CPLX1: variants seen among roughly 807,000 people sequenced by gnomAD.
CPLX1 encodes the protein complexin-1.
CPLX1 carries 6 observed loss-of-function variants against 15.6 expected under a neutral mutation model. The ratio of observed to expected loss-of-function variants is 0.39; its 90% confidence interval spans 0.21 to 0.76. The LOEUF (loss-of-function observed/expected upper bound fraction) is 0.76. Ranked by LOEUF, CPLX1 falls within the 30% of genes least tolerant of loss-of-function variation. The probability of loss-of-function intolerance (pLI) is 0.43; values close to 1 mark genes in which losing one functional copy is unlikely to be tolerated. For missense variants in CPLX1, 242 were observed against 188.6 expected, an observed-to-expected ratio of 1.28 and a Z score of -1.66; for synonymous variants, 91 against 75.2, an observed-to-expected ratio of 1.21 and a Z score of -1.08.
intron 2 of CPLX1, among the ~76,000 whole-genome samples, chr4:793,867 G>A (rs1012439516): frequency 3.3e-5 from 5 of 152,238 alleles, no homozygotes; most frequent in Admixed American, 1.3e-4. Context: ...CTGAGCCCAT[G>A]CCTCGGGTAG....
At chr4:787,898 A>G in intron 3 of CPLX1, 1 of 985,338 alleles carries the variant, frequency 1.0e-6, no homozygotes, top group Non-Finnish European at 1.2e-6. Context: ...CTGGCCTGGA[A>G]GGATTGGGGG....
At chr4:795,561 C>A (rs1397511701) in intron 2 of CPLX1, among the ~76,000 whole-genome samples, 1 of 152,174 alleles carries the variant, frequency 6.6e-6, no homozygotes, top group African/African-American at 2.4e-5. Context: ...TGGCTGGGGT[C>A]CGCTACTGGC....
In CPLX1 at chr4:804,828, A is replaced by T. The variant is rs906917460; in HGVS notation, c.32-12220T>A. The T allele has an allele frequency of 5.4e-5, 53 of 985,262 alleles. No individual in the cohort carries two copies. In the African/African-American group the frequency reaches 7.1e-4, roughly 13 times the overall value. The allele number at this position is 985,262 out of a possible 1,614,324, so 61.0% of individuals were successfully genotyped here. On this transcript the variant is annotated intron_variant, in intron 2 of 3. Coordinates refer to ENST00000304062, the MANE Select transcript of CPLX1 (RefSeq NM_006651.4). ...GCGGTCGTCAGCCTGGAGGCCGGCA[A>T]GCGTGGGGAGCGACGTGCTCAGCCT... is the stretch of plus-strand genomic sequence containing the variant.
chr4:793,367 C>T (rs1331945976), intron 2 of CPLX1, among the ~76,000 whole-genome samples: 1 of 152,132 alleles, frequency 6.6e-6, no homozygotes, highest in Non-Finnish European at 1.5e-5. Context: ...TTACTGGCAC[C>T]CAGGCCCTAA....
At chr4:791,283 G>C (rs1353412948) in intron 3 of CPLX1, among the ~76,000 whole-genome samples, 2 of 151,656 alleles carry the variant, frequency 1.3e-5, no homozygotes, top group Non-Finnish European at 2.9e-5. Flanking sequence ...CCCTGGGTGG[G>C]ATGCCAGGGC....
chr4:816,776 C>G (rs1029347000), intron 2 of CPLX1, among the ~76,000 whole-genome samples: 11 of 152,046 alleles, frequency 7.2e-5, no homozygotes, highest in Admixed American at 4.6e-4. Context: ...GAGCTGTGAT[C>G]GCTCCACTGC....
intron 2 of CPLX1, among the ~76,000 whole-genome samples, chr4:794,159 C>G (rs73207751): frequency 6.6e-6 from 1 of 152,208 alleles, no homozygotes; most frequent in Admixed American, 6.5e-5. Flanking sequence ...TTGGAAGGCC[C>G]GAGCTGTTGG....
rs397881229 is a variant in CPLX1 at position 813,264 on chromosome 4, CAAAAAAA to C, written c.31+11221_31+11227del. 2.3e-3 allele frequency among the ~76,000 whole-genome samples: 214 copies of C among 93,106 alleles called. 2 individuals carry two copies. The highest frequency in any genetic ancestry group is 7.8e-3 in the African/African-American group (200 of 25,776). 61.1% of individuals were successfully genotyped at this position (93,106 alleles called of 152,430 possible). A position where few individuals can be genotyped will look rare whatever the true frequency, so the allele number is the denominator to read the frequency against. ...TGGGTGGCTGAGCTAGACTCTGTCT[CAAAAAAA>C]AAAAAAAAAAAAGAGAAAGTGAATA... On this transcript the variant is annotated intron_variant, in intron 2 of 3. Transcript: ENST00000304062.
At chr4:795,127 C>T (rs181579010) in intron 2 of CPLX1, among the ~76,000 whole-genome samples, 3 of 150,888 alleles carry the variant, frequency 2.0e-5, no homozygotes, top group South Asian at 2.1e-4. Flanking sequence ...GCCGCCCACG[C>T]CCCCCCGCTT....
intron 2 of CPLX1, among the ~76,000 whole-genome samples, chr4:802,674 G>A (rs1213811919): frequency 1.3e-5 from 2 of 152,198 alleles, no homozygotes; most frequent in Admixed American, 1.3e-4. Context: ...AAGCAGCTGG[G>A]CGTGGTGGCT....
rs1746910671 is a variant in CPLX1, at chr4:823,450, C to T, written c.31+1042G>A. On this transcript the variant is annotated intron_variant, in intron 2 of 3. Transcript: ENST00000304062. ...CTGGCCCCTCGAACCCGGCCAGCTC[C>T]CCCACTGCAGAAATGCTCCCAGGAG... 2.0e-5 allele frequency among the ~76,000 whole-genome samples: 3 copies of T among 152,314 alleles called. No homozygotes were observed. In the South Asian group the frequency reaches 6.2e-4, roughly 32 times the overall value.
intron 1 of CPLX1, chr4:824,852 G>C (rs1746944696): frequency 1.9e-6 from 1 of 535,908 alleles, no homozygotes; most frequent in South Asian, 1.6e-5. Flanking sequence ...GATGGCTTAG[G>C]GGGCATCGCT....
intron 2 of CPLX1, among the ~76,000 whole-genome samples, chr4:819,153 G>A (rs1036681499): frequency 6.6e-6 from 1 of 152,272 alleles, no homozygotes; most frequent in Non-Finnish European, 1.5e-5. Flanking sequence ...GTCCTGTCAC[G>A]CAGGAGCTAT....
At chr4:792,897 C>T (rs951351212) in intron 2 of CPLX1, among the ~76,000 whole-genome samples, 2 of 152,108 alleles carry the variant, frequency 1.3e-5, no homozygotes, top group African/African-American at 4.8e-5. Context: ...GGTTGCGCGT[C>T]TGTATGCACC....
At chr4:800,472 T>TAAAA (rs1216635676) in intron 2 of CPLX1, among the ~76,000 whole-genome samples, 1 of 146,864 alleles carries the variant, frequency 6.8e-6, no homozygotes, top group African/African-American at 2.5e-5. Flanking sequence ...CCATCTCTAC[T>TAAAA]AAAAAATATA....
chr4:810,191 A>G (rs1370427075), intron 2 of CPLX1, among the ~76,000 whole-genome samples: 1 of 151,564 alleles, frequency 6.6e-6, no homozygotes, highest in African/African-American at 2.4e-5. Flanking sequence ...CTGGGATTAC[A>G]GGCGCCTGCA....
intron 2 of CPLX1, among the ~76,000 whole-genome samples, chr4:819,050 T>C (rs1173695617): frequency 6.6e-6 from 1 of 152,250 alleles, no homozygotes; most frequent in Non-Finnish European, 1.5e-5. Context: ...CTTTCATCAG[T>C]TCCCTGTTCT....
At chr4:811,193 T>A (rs979727759) in intron 2 of CPLX1, among the ~76,000 whole-genome samples, 1 of 152,180 alleles carries the variant, frequency 6.6e-6, no homozygotes, top group African/African-American at 2.4e-5. Flanking sequence ...AGAGATGGGA[T>A]CTCCCTACAT....
intron 2 of CPLX1, among the ~76,000 whole-genome samples, chr4:792,949 G>C (rs1262762660): frequency 6.6e-6 from 1 of 152,170 alleles, no homozygotes; most frequent in East Asian, 1.9e-4. Context: ...GGCTGTTGTG[G>C]TTGTGTTTGT....
Sources: gnomAD v4.1 joint callset for allele counts (sites outside exome capture counted in the v4.1 genomes callset) on GRCh38, gnomAD v4.1.1 for gene constraint, MANE v1.5 for transcripts, NCBI Gene and HGNC (gene_info 2026-07-23, HGNC 2026-07-21) for gene names.